The following ADA2 variants were observed in gnomAD, a reference collection of about 807,000 sequenced individuals.
The protein encoded by ADA2 is adenosine deaminase 2.
A neutral mutation model predicts 44.2 loss-of-function variants in ADA2; 29 were observed. That is an observed-to-expected ratio of 0.66 (90% confidence interval 0.49 to 0.89). The LOEUF (loss-of-function observed/expected upper bound fraction) is 0.89, where lower values mean the gene tolerates loss of function less well. ADA2 is among the 40% of genes least tolerant of loss of function. The pLI, the probability that ADA2 is intolerant of heterozygous loss-of-function variation, is 0.00. For synonymous variants in ADA2, 215 were observed against 234.9 expected (o/e 0.92, Z 0.77); for missense variants, 637 against 644.8 (o/e 0.99, Z 0.13).
intron 1 of ADA2, among the ~76,000 whole-genome samples, chr22:17,215,320 G>T (rs1232722260): frequency 1.3e-5 from 2 of 152,218 alleles, no homozygotes; most frequent in Non-Finnish European, 2.9e-5. Flanking sequence ...GAAATCACGG[G>T]CTGGGCACGG....
In ADA2 at chr22:17,181,328, G is replaced by A. The variant is rs961959344; in HGVS notation, c.*155C>T. On this transcript the variant is annotated 3_prime_UTR_variant, in exon 10 of 10. Transcript: ENST00000399837. ...GTGGCTGAGAGAGAATATTTCCAGA[G>A]GATGAATTTGCTCAGCCAGCCAAGT... 4.6e-6 allele frequency: 3 copies of A among 658,182 alleles called. No individual in the cohort carries two copies. In the African/African-American group the frequency reaches 5.4e-5, roughly 12 times the overall value. 40.8% of individuals were successfully genotyped at this position (658,182 alleles called of 1,614,324 possible).
intron 4 of ADA2, chr22:17,192,855 T>C: frequency 2.4e-6 from 1 of 412,178 alleles, no homozygotes. Context: ...GGGCCCTCTC[T>C]CTTCCTCGGC....
intron 3 of ADA2, among the ~76,000 whole-genome samples, chr22:17,205,152 G>A (rs557261969): frequency 6.6e-6 from 1 of 152,018 alleles, no homozygotes; most frequent in Non-Finnish European, 1.5e-5. Context: ...CGAGTAGCTG[G>A]GATTACAGGT....
chr22:17,197,813 C>A (rs893242863), intron 4 of ADA2, among the ~76,000 whole-genome samples: 3 of 152,110 alleles, frequency 2.0e-5, no homozygotes, highest in South Asian at 2.1e-4. Flanking sequence ...CCAAGGCGGG[C>A]GGATCACCTG....
chr22:17,185,665 A>T (rs1478700156), intron 7 of ADA2, among the ~76,000 whole-genome samples: 1 of 152,014 alleles, frequency 6.6e-6, no homozygotes, highest in African/African-American at 2.4e-5. Context: ...CCCCTCAAAC[A>T]ATTCTTCTGC....
intron 1 of ADA2, among the ~76,000 whole-genome samples, chr22:17,212,667 A>G (rs2062430500): frequency 6.6e-6 from 1 of 152,236 alleles, no homozygotes; most frequent in Admixed American, 6.5e-5. Context: ...CTCAACAGTA[A>G]AAGGACAAAT....
At chr22:17,193,940 C>T (rs1241945024) in intron 4 of ADA2, among the ~76,000 whole-genome samples, 3 of 146,478 alleles carry the variant, frequency 2.0e-5, no homozygotes, top group African/African-American at 5.1e-5. Context: ...TTTGGGAGGC[C>T]GAGGCAGGAG....
chr22:17,220,840 A>C (rs1184339037), upstream of ADA2, among the ~76,000 whole-genome samples: 1 of 152,226 alleles, frequency 6.6e-6, no homozygotes, highest in African/African-American at 2.4e-5. Context: ...AAGAAATCCC[A>C]AAGTGAAAAC....
chr22:17,199,759 C>G, intron 4 of ADA2: 1 of 1,450,186 alleles, frequency 6.9e-7, no homozygotes, highest in Non-Finnish European at 9.1e-7. Context: ...GCTCTTTGAC[C>G]TTTCCAGGCT....
chr22:17,184,051 C>T (rs2062007451), intron 7 of ADA2, among the ~76,000 whole-genome samples: 2 of 144,332 alleles, frequency 1.4e-5, no homozygotes, highest in Non-Finnish European at 3.0e-5. Flanking sequence ...CTCCACTTCC[C>T]GGGGTTCATG....
chr22:17,207,379 C>T, intron 2 of ADA2, 89 bp from the exon 3 acceptor site: 1 of 953,280 alleles, frequency 1.0e-6, no homozygotes, highest in Non-Finnish European at 1.6e-6. Context: ...GGGTGAAGTC[C>T]CATCCCAGGA....
intron 6 of ADA2, chr22:17,188,723 C>CA (rs1461985038): frequency 2.3e-5 from 5 of 213,568 alleles, no homozygotes; most frequent in South Asian, 9.0e-5. Context: ...ACTAAAAATA[C>CA]AAAAAATTAT....
At chr22:17,181,650 AT>A in intron 9 of ADA2, 74 bp from the exon 10 acceptor site, 1 of 1,177,178 alleles carries the variant, frequency 8.5e-7, no homozygotes, top group Non-Finnish European at 1.3e-6. Context: ...CTGAGAGGAC[AT>A]TAGAGCCTTG....
upstream of ADA2, chr22:17,221,795 A>T (rs1277450004): frequency 1.3e-5 from 2 of 152,282 alleles, no homozygotes; most frequent in African/African-American, 4.8e-5. Context: ...CAGGCTCTGC[A>T]GAGGTGCAGG....
upstream of ADA2, among the ~76,000 whole-genome samples, chr22:17,220,343 C>T (rs750642559): frequency 2.0e-5 from 3 of 152,084 alleles, no homozygotes; most frequent in Admixed American, 6.6e-5. Context: ...CCAGGACGGT[C>T]AGAGTCAGAC....
chr22:17,185,309 G>A (rs112435553), intron 7 of ADA2, among the ~76,000 whole-genome samples: 6,116 of 151,642 alleles, frequency 0.04, 264 homozygotes, highest in African/African-American at 0.11. Context: ...CCAGCTACTC[G>A]GGAGGCTGAG....
intron 4 of ADA2, among the ~76,000 whole-genome samples, chr22:17,202,630 T>C (rs187730928): frequency 4.3e-4 from 66 of 152,268 alleles, no homozygotes; most frequent in African/African-American, 1.5e-3. Flanking sequence ...CTCTCCATCC[T>C]AAAAAGAAAC....
chr22:17,199,438 T>TCTTCCCCTCCCTCCCCTCCACTATACA, intron 4 of ADA2: 1 of 995,472 alleles, frequency 1.0e-6, no homozygotes. Flanking sequence ...TCCTCTATCC[T>TCTTCCCCTCCCTCCCCTCCACTATACA]CTTCCCCTCC....
At chr22:17,193,197 C>T in intron 4 of ADA2, 2 of 1,271,280 alleles carry the variant, frequency 1.6e-6, no homozygotes, top group East Asian at 2.4e-5. Context: ...CCTGTGCTGA[C>T]ATCGCTCACA....
Sources: allele counts gnomAD v4.1 joint callset (sites outside exome capture counted in the v4.1 genomes callset), GRCh38; gene constraint gnomAD v4.1.1; transcripts MANE v1.5; gene names NCBI Gene and HGNC (gene_info 2026-07-23, HGNC 2026-07-21).